ARB2A: variants seen among roughly 807,000 people sequenced by gnomAD.
ARB2A encodes the protein cotranscriptional regulator ARB2A.
chr5:93,776,732 C>T, the ARB2A span, among the ~76,000 whole-genome samples: 4 of 152,016 alleles, frequency 2.6e-5, no homozygotes, highest in African/African-American at 4.8e-5. Flanking sequence ...GAGCTGAGAG[C>T]GTGCCATTGC....
the ARB2A span, among the ~76,000 whole-genome samples, chr5:94,091,433 GTAGT>G: frequency 6.6e-6 from 1 of 152,148 alleles, no homozygotes; most frequent in African/African-American, 2.4e-5. Flanking sequence ...CTTGAAGAAA[GTAGT>G]TAAAGACCAT....
the ARB2A span, among the ~76,000 whole-genome samples, chr5:93,701,911 C>A: frequency 6.6e-6 from 1 of 152,214 alleles, no homozygotes; most frequent in East Asian, 1.9e-4. Context: ...AATATGTAGT[C>A]CATCACAGCT....
At chr5:93,981,225 G>A in the ARB2A span, among the ~76,000 whole-genome samples, 5 of 151,624 alleles carry the variant, frequency 3.3e-5, no homozygotes, top group African/African-American at 4.8e-5. Flanking sequence ...GCACCACCAC[G>A]CCTGGCTAAT....
chr5:93,742,431 C>G, the ARB2A span, among the ~76,000 whole-genome samples: 1 of 152,134 alleles, frequency 6.6e-6, no homozygotes, highest in Non-Finnish European at 1.5e-5. Flanking sequence ...TCCTTAGGCC[C>G]TTATCCCACC....
the ARB2A span, among the ~76,000 whole-genome samples, chr5:93,800,473 T>C: frequency 6.6e-6 from 1 of 151,728 alleles, no homozygotes; most frequent in African/African-American, 2.4e-5. Context: ...TATAAAATTT[T>C]ACCAGTTCTG....
the ARB2A span, among the ~76,000 whole-genome samples, chr5:93,875,723 C>T: frequency 6.6e-6 from 1 of 151,580 alleles, no homozygotes; most frequent in Non-Finnish European, 1.5e-5. Context: ...TACAATAATA[C>T]ATTTTTATGC....
the ARB2A span, among the ~76,000 whole-genome samples, chr5:94,111,301 C>T: frequency 6.6e-6 from 1 of 152,182 alleles, no homozygotes; most frequent in Non-Finnish European, 1.5e-5. Flanking sequence ...GTCGCTCCCG[C>T]CTAGAGAGTG....
At chr5:93,765,870 A>G in the ARB2A span, among the ~76,000 whole-genome samples, 25 of 152,138 alleles carry the variant, frequency 1.6e-4, no homozygotes, top group Non-Finnish European at 2.9e-4. Context: ...ACAGAGCCCT[A>G]TGAAATAATG....
the ARB2A span, chr5:93,618,237 C>T: frequency 6.6e-6 from 1 of 151,842 alleles, no homozygotes; most frequent in African/African-American, 2.4e-5. Flanking sequence ...GGTACATGGT[C>T]TTCTTTTCAA....
the ARB2A span, among the ~76,000 whole-genome samples, chr5:93,698,924 G>A: frequency 1.3e-5 from 2 of 152,284 alleles, no homozygotes; most frequent in East Asian, 1.9e-4. Flanking sequence ...GCAGAGAATA[G>A]AAGCTCTTCC....
At chr5:93,950,949 AAAAAAAAAATAAAAT>A in the ARB2A span, among the ~76,000 whole-genome samples, 1 of 147,676 alleles carries the variant, frequency 6.8e-6, no homozygotes, top group Non-Finnish European at 1.5e-5. Flanking sequence ...GTCTCAAAAA[AAAAAAAAAATAAAAT>A]AAAATAAAAT....
the ARB2A span, among the ~76,000 whole-genome samples, chr5:93,835,175 T>G: frequency 2.0e-5 from 3 of 152,228 alleles, no homozygotes; most frequent in Non-Finnish European, 4.4e-5. Context: ...ACAGAAGTGA[T>G]GCAGTAACCA....
At chr5:93,818,109 A>T in the ARB2A span, among the ~76,000 whole-genome samples, 1 of 152,002 alleles carries the variant, frequency 6.6e-6, no homozygotes, top group African/African-American at 2.4e-5. Context: ...TCATCAGAGA[A>T]ATGAAAAAGA....
chr5:93,937,625 A>G, the ARB2A span, among the ~76,000 whole-genome samples: 1 of 151,020 alleles, frequency 6.6e-6, no homozygotes, highest in South Asian at 2.1e-4. Flanking sequence ...AAAAAAAGAG[A>G]GTGTGTCATC....
the ARB2A span, among the ~76,000 whole-genome samples, chr5:94,022,201 TAAC>T: frequency 6.6e-6 from 1 of 152,254 alleles, no homozygotes; most frequent in East Asian, 1.9e-4. Context: ...CAAATAATAA[TAAC>T]AATTATTATT....
chr5:93,886,944 TAAGTTTCCAACTTCAAATA>T, the ARB2A span, among the ~76,000 whole-genome samples: 10 of 151,914 alleles, frequency 6.6e-5, no homozygotes, highest in East Asian at 1.2e-3. Context: ...TTATCCCAGT[TAAGTTTCCAACTTCAAATA>T]AAGTTTCCAA....
the ARB2A span, among the ~76,000 whole-genome samples, chr5:93,750,229 A>T: frequency 6.6e-6 from 1 of 152,348 alleles, no homozygotes; most frequent in South Asian, 2.1e-4. Context: ...GATGAATTGA[A>T]GATGATTAAC....
At chr5:93,784,432 T>C in the ARB2A span, 5 of 1,613,418 alleles carry the variant, frequency 3.1e-6, no homozygotes, top group African/African-American at 4.0e-5. Context: ...ATGCCACACA[T>C]TGTGAACAGA....
At chr5:94,091,274 G>A in the ARB2A span, among the ~76,000 whole-genome samples, 2 of 152,112 alleles carry the variant, frequency 1.3e-5, no homozygotes, top group Admixed American at 1.3e-4. Context: ...TAAGTTCTTA[G>A]CAGTTATTGC....
Sources: allele counts gnomAD v4.1 joint callset (sites outside exome capture counted in the v4.1 genomes callset), GRCh38; gene constraint gnomAD v4.1.1; transcripts MANE v1.5; gene names NCBI Gene and HGNC (gene_info 2026-07-23, HGNC 2026-07-21).